CAMSAP1: variants seen among roughly 807,000 people sequenced by gnomAD.
CAMSAP1 encodes the protein calmodulin-regulated spectrin-associated protein 1.
In CAMSAP1, 58 loss-of-function variants were observed where a neutral mutation model predicts 143.5. The ratio of observed to expected loss-of-function variants is 0.40; its 90% CI spans 0.33 to 0.50. The LOEUF (loss-of-function observed/expected upper bound fraction) is 0.50, where lower values mean the gene tolerates loss of function less well. CAMSAP1 is among the 20% of genes least tolerant of loss of function. The pLI, the probability that CAMSAP1 is intolerant of heterozygous loss-of-function variation, is 0.45. For missense variants in CAMSAP1, 1,969 were observed against 2,115.7 expected, an observed-to-expected ratio of 0.93 and a Z score of 1.36; for synonymous variants, 945 against 859.3, an observed-to-expected ratio of 1.10 and a Z score of -1.74.
intron 7 of CAMSAP1, among the ~76,000 whole-genome samples, chr9:135,838,301 TCAC>T (rs2131706988): frequency 6.9e-6 from 1 of 145,898 alleles, no homozygotes; most frequent in East Asian, 2.2e-4. Context: ...ACACACATCA[TCAC>T]GCACTTTCTA....
In CAMSAP1 at chr9:135,822,377, T is replaced by G. The variant is rs1835504623; in HGVS notation, c.2284A>C (p.Ser762Arg). ...GACTCTTCCTCCCCAATGTATCTGC[T>G]GAAAACCACAGGATGGGCCTCACCC... ...FMGEAHPVVF[S>R]RYIGEEESAK... The change falls in exon 11 of 17, where the codon AGC becomes CGC. Residue 762 changes from serine to arginine, a missense_variant. By Grantham distance (110) the Ser-to-Arg change is moderately radical. Coordinates refer to ENST00000389532, the MANE Select transcript of CAMSAP1 (RefSeq NM_015447.4). The surrounding 1 kb of genome is among the most constrained non-coding windows in gnomAD (Gnocchi z 6.1). 1.2e-6 allele frequency: 2 copies of G among 1,613,872 alleles called. No homozygotes were observed. The highest frequency in any genetic ancestry group is 1.7e-6 in the Non-Finnish European group (2 of 1,179,908).
intron 3 of CAMSAP1, among the ~76,000 whole-genome samples, chr9:135,868,350 T>G (rs1039092383): frequency 5.3e-5 from 8 of 152,158 alleles, no homozygotes; most frequent in Non-Finnish European, 1.2e-4. Context: ...GACATGCACC[T>G]GTGCACCTGA....
chr9:135,851,102 A>G lies in CAMSAP1; in HGVS notation c.809-641T>C, dbSNP rs573343360. ...GCAACAAGTCACAGGACCAAAGAGC[A>G]GGCCTCCCCCTAGTCTAGGCACCCT... On this transcript the variant is annotated intron_variant, in intron 5 of 16. Transcript: ENST00000389532. Among the ~76,000 whole-genome samples the G allele has an allele frequency of 1.1e-4, 17 of 152,342 alleles. No individual in the cohort carries two copies. The East Asian group carries it at 3.3e-3, about 29-fold the overall frequency.
chr9:135,848,395 A>G (rs1836652653), intron 7 of CAMSAP1, among the ~76,000 whole-genome samples: 1 of 152,132 alleles, frequency 6.6e-6, no homozygotes, highest in South Asian at 2.1e-4. Context: ...AGCTTGACAA[A>G]TAATTATAAA....
chr9:135,901,071 A>G (rs1322699703), intron 1 of CAMSAP1, among the ~76,000 whole-genome samples: 2 of 152,142 alleles, frequency 1.3e-5, no homozygotes, highest in Non-Finnish European at 2.9e-5. Context: ...TCTTTTCTGT[A>G]GTGACAACAA....
chr9:135,899,555 T>C (rs1230384831), intron 1 of CAMSAP1, among the ~76,000 whole-genome samples: 3 of 152,140 alleles, frequency 2.0e-5, no homozygotes, highest in South Asian at 4.1e-4. Context: ...AAACCTTCAG[T>C]GGTTCCCCAA....
At position 135,866,904 on chromosome 9, in the gene CAMSAP1, G is replaced by A. The variant is rs908867227; in HGVS notation, c.586-368C>T. 3.9e-5 allele frequency among the ~76,000 whole-genome samples: 6 copies of A among 152,316 alleles called. No individual in the cohort carries two copies. In the South Asian group the frequency reaches 1.0e-3, roughly 26 times the overall value. ...GCCACTTACAAAACAATCTGGTGGA[G>A]ACACCTCACTAAAGAGCCTAACTTG... On this transcript the variant is annotated intron_variant, in intron 3 of 16. Coordinates refer to ENST00000389532, the MANE Select transcript of CAMSAP1 (RefSeq NM_015447.4).
In CAMSAP1 at chr9:135,829,620, G is replaced by A. The variant is rs183029517; in HGVS notation, c.1046-2036C>T. On this transcript the variant is annotated intron_variant, in intron 7 of 16. Transcript: ENST00000389532. ...TGTAATCCCAGTACTTTTCGAGGCC[G>A]AAGCTGGTGGATCACCCGAGGTTGG... Among the ~76,000 whole-genome samples the A allele has an allele frequency of 2.8e-3, 425 of 152,276 alleles. 1 individual carries two copies. Among genetic ancestry groups the A allele is most frequent in the Non-Finnish European group, 5.4e-3 (365 of 68,022 alleles).
chr9:135,819,086 G>A lies in CAMSAP1; in HGVS notation c.3883C>T (p.Gln1295Ter). The change falls in exon 12 of 17, where the codon CAG (glutamine) becomes TAG (stop). Residue 1295 changes from glutamine (Q) to a stop codon, truncating the protein, a stop_gained. Transcript: ENST00000389532. LOFTEE classifies it high-confidence loss of function. The part of the protein sequence containing the change: ...KKRAAFLLKQ[Q>*]RKAEEARVRK... ...ACGCGGGCCTCCTCGGCCTTGCGCT[G>A]CTGCTTCAGGAGGAAGGCCGCCCGC... 6.2e-7 allele frequency: 1 copy of A among 1,603,090 alleles called. No homozygotes were observed. The highest frequency in any genetic ancestry group is 8.5e-7 in the Non-Finnish European group (1 of 1,176,430).
chr9:135,892,848 C>CAAAAAAAAAAAAAAAAAAAA (rs59978082), intron 1 of CAMSAP1, among the ~76,000 whole-genome samples: 583 of 41,934 alleles, frequency 0.014, 71 homozygotes, highest in Non-Finnish European at 0.019. Context: ...AAGACTGTCT[C>CAAAAAAAAAAAAAAAAAAAA]AAAAAAAAAA....
At chr9:135,832,594 T>C (rs1835891246) in intron 7 of CAMSAP1, among the ~76,000 whole-genome samples, 1 of 152,018 alleles carries the variant, frequency 6.6e-6, no homozygotes, top group African/African-American at 2.4e-5. Flanking sequence ...AATAAATAAA[T>C]AAAACTGTCT....
At chr9:135,849,953 T>A (rs1042639068) in intron 7 of CAMSAP1, 184 bp downstream of exon 7, 1 of 493,428 alleles carries the variant, frequency 2.0e-6, no homozygotes, top group East Asian at 3.2e-5. Context: ...CGTAACCGAA[T>A]AGTTCATCAA....
At chr9:135,812,262 C>T (rs1385647919) in intron 16 of CAMSAP1, among the ~76,000 whole-genome samples, 1 of 152,152 alleles carries the variant, frequency 6.6e-6, no homozygotes, top group Non-Finnish European at 1.5e-5. Context: ...GAAGAATCAA[C>T]CCAAGTGTGC....
In CAMSAP1 at chr9:135,882,013, G is replaced by C. The variant is rs1186577590; in HGVS notation, c.424-219C>G. Among the ~76,000 whole-genome samples, 1 of 152,228 alleles carries C rather than the reference G, an allele frequency of 6.6e-6. No homozygotes were observed. Among genetic ancestry groups the C allele is most frequent in the African/African-American group, 2.4e-5 (1 of 41,458 alleles). On this transcript the variant is annotated intron_variant, in intron 2 of 16. Coordinates refer to ENST00000389532, the MANE Select transcript of CAMSAP1 (RefSeq NM_015447.4). This position sits in a 1 kb window ranked among gnomAD's most constrained non-coding sequence, Gnocchi z 4.9. ...GCCTCAAGACCGTCTGGAACCAGGAGTCCGTTCTCAGGCAGGCAGGCCAGC... is the reference window on the plus strand; with the variant it reads ...GCCTCAAGACCGTCTGGAACCAGGACTCCGTTCTCAGGCAGGCAGGCCAGC...
At chr9:135,849,397 C>A (rs945203399) in intron 7 of CAMSAP1, among the ~76,000 whole-genome samples, 1 of 152,218 alleles carries the variant, frequency 6.6e-6, no homozygotes, top group Non-Finnish European at 1.5e-5. Flanking sequence ...AAGCTGCAGG[C>A]CGTCTGGGTG....
At chr9:135,816,041 A>C in intron 14 of CAMSAP1, 36 bp from the exon 15 acceptor site, 3 of 1,595,106 alleles carry the variant, frequency 1.9e-6, no homozygotes, top group Non-Finnish European at 2.6e-6. Context: ...AGGCAGGTGA[A>C]GCGCTGGCTT....
chr9:135,873,613 G>A (rs1336430461), intron 3 of CAMSAP1, among the ~76,000 whole-genome samples: 1 of 151,968 alleles, frequency 6.6e-6, no homozygotes, highest in Non-Finnish European at 1.5e-5. Context: ...CAGATCGCAG[G>A]TATATTAAAA....
chr9:135,875,644 GT>G lies in CAMSAP1; in HGVS notation c.585+5988del, dbSNP rs1837718645. On this transcript the variant is annotated intron_variant, in intron 3 of 16. Coordinates refer to ENST00000389532, the MANE Select transcript of CAMSAP1 (RefSeq NM_015447.4). ...CCAGAAACAGACTCACATATATGTG[GT>G]TTACTGATTGTCAACAAAGATGTCA... Among the ~76,000 whole-genome samples the G allele has an allele frequency of 3.9e-5, 6 of 152,328 alleles. No individual in the cohort carries two copies. The South Asian group carries it at 1.2e-3, about 32-fold the overall frequency.
At chr9:135,866,682 A>G (rs997695247) in intron 3 of CAMSAP1, 146 bp from the exon 4 acceptor site, 5 of 580,916 alleles carry the variant, frequency 8.6e-6, no homozygotes, top group African/African-American at 7.5e-5. Context: ...ACACAGATAC[A>G]GAAGTACACG....
Sources: allele counts gnomAD v4.1 joint callset (sites outside exome capture counted in the v4.1 genomes callset), GRCh38; gene constraint gnomAD v4.1.1; non-coding constraint Gnocchi (gnomAD v3.1); transcripts MANE v1.5; gene names NCBI Gene and HGNC (gene_info 2026-07-23, HGNC 2026-07-21).